The following PLXND1 variants were observed in gnomAD, a reference collection of about 807,000 sequenced individuals.
PLXND1 encodes plexin D1.
In PLXND1, 54 loss-of-function variants were observed where a neutral mutation model predicts 197.7. The observed-to-expected ratio is 0.27, with a 90% CI of 0.22 to 0.34. The LOEUF is 0.34. Among genes scored for constraint, PLXND1 ranks in the 10% least tolerant of loss-of-function variants. The pLI, the probability that PLXND1 is intolerant of heterozygous loss-of-function variation, is 1.00. For synonymous variants in PLXND1, 1,180 were observed against 1,161.2 expected, an observed-to-expected ratio of 1.02 and a Z score of -0.33; for missense variants, 2,127 against 2,699.2, an observed-to-expected ratio of 0.79 and a Z score of 4.70.
In PLXND1 at chr3:129,583,664, G is replaced by A. The variant is rs762428555; in HGVS notation, c.2144C>T (p.Thr715Ile). Reference protein sequence around the residue: ...TAQVYPHTACTSCLSAQWPCF... With the variant: ...TAQVYPHTACISCLSAQWPCF... ...GGGCCACTGTGCCGACAGGCAGCTG[G>A]TACAGCTGGAAGACAAGGAGGCCCC... The change falls in exon 8 of 36, where the codon ACC becomes ATC. Residue 715 changes from threonine to isoleucine, a missense_variant. Physicochemically the swap from Thr to Ile is moderately conservative, Grantham distance 89. Coordinates refer to ENST00000324093, the MANE Select transcript of PLXND1 (RefSeq NM_015103.3). 6.2e-7 allele frequency: 1 copy of A among 1,611,054 alleles called. No homozygotes were observed. The highest frequency in any genetic ancestry group is 8.5e-7 in the Non-Finnish European group (1 of 1,178,070).
chr3:129,600,760 C>T (rs1198427047), intron 1 of PLXND1, among the ~76,000 whole-genome samples: 2 of 151,812 alleles, frequency 1.3e-5, no homozygotes, highest in African/African-American at 4.8e-5. Context: ...CAGCCCAAAC[C>T]CAAATGTAAA....
chr3:129,569,965 G>A lies in PLXND1; in HGVS notation c.3751-8C>T. 4 of 1,532,192 alleles carry A rather than the reference G, an allele frequency of 2.6e-6. No homozygotes were observed. Among genetic ancestry groups the A allele is most frequent in the Non-Finnish European group, 3.6e-6 (4 of 1,105,552 alleles). 94.9% of individuals were successfully genotyped at this position (1,532,192 alleles called of 1,614,324 possible). ...GAAGTTCCCTACCTGGATCTGTGCAGAGGTTGGGGAAGGGGGTTGTAGCTT... is the reference window on the plus strand; with the variant it reads ...GAAGTTCCCTACCTGGATCTGTGCAAAGGTTGGGGAAGGGGGTTGTAGCTT... On this transcript the variant is annotated splice_polypyrimidine_tract_variant and splice_region_variant and intron_variant, in intron 19 of 35. Transcript: ENST00000324093.
Position 129,606,394 on chromosome 3 carries a change from C to T in PLXND1, c.246G>A (p.Leu82=). 2.6e-6 allele frequency: 4 copies of T among 1,515,938 alleles called. No individual in the cohort carries two copies. Among genetic ancestry groups the T allele is most frequent in the Non-Finnish European group, 2.6e-6 (3 of 1,140,156 alleles). The allele number at this position is 1,515,938 out of a possible 1,614,324, so 93.9% of individuals were successfully genotyped here. The part of the protein sequence containing the change: ...YLAAVNRLYQ[L]SGANLSLEAE... Reference sequence around the variant, plus strand: ...CCTCCAGGCTCAGGTTGGCGCCCGACAGCTGATAGAGGCGGTTGACGGCCG... The same window carrying T: ...CCTCCAGGCTCAGGTTGGCGCCCGATAGCTGATAGAGGCGGTTGACGGCCG... The change falls in exon 1 of 36, where the codon CTG becomes CTA. Residue 82 remains leucine (L), a synonymous_variant. Coordinates refer to ENST00000324093, the MANE Select transcript of PLXND1 (RefSeq NM_015103.3).
Position 129,559,728 on chromosome 3 carries a change from T to C in PLXND1, c.5189A>G (p.Glu1730Gly), listed in dbSNP as rs1023214704. ...DLFKAILSIREDKPPLAVKYF... is the reference protein window; with the variant it reads ...DLFKAILSIRGDKPPLAVKYF... ...CTTGACAGCCAGTGGGGGCTTGTCT[T>C]CACGGATACTCAGAATGGCCTTGAA... The change falls in exon 32 of 36, where the codon GAA (glutamate) becomes GGA (glycine). Residue 1730 changes from glutamate (E) to glycine (G), a missense_variant. Coordinates refer to ENST00000324093, the MANE Select transcript of PLXND1 (RefSeq NM_015103.3). 3.7e-6 allele frequency: 6 copies of C among 1,613,130 alleles called. No individual in the cohort carries two copies. In the African/African-American group the frequency reaches 8.0e-5, roughly 22 times the overall value.
At chr3:129,593,808 A>T (rs1039612197) in intron 1 of PLXND1, among the ~76,000 whole-genome samples, 2 of 150,766 alleles carry the variant, frequency 1.3e-5, no homozygotes, top group African/African-American at 4.9e-5. Context: ...TCCTGTAAAA[A>T]CCTCACTTTA....
intron 15 of PLXND1, among the ~76,000 whole-genome samples, chr3:129,572,361 C>A (rs574130560): frequency 6.6e-6 from 1 of 152,368 alleles, no homozygotes; most frequent in East Asian, 1.9e-4. Context: ...CAACACCATT[C>A]TCATTACAGC....
At position 129,561,718 on chromosome 3, in the gene PLXND1, AGGG is replaced by A. The variant is rs2085063685; in HGVS notation, c.4930-12_4930-10del. 1 of 1,243,090 alleles carries A rather than the reference AGGG, an allele frequency of 8.0e-7. No homozygotes were observed. Among genetic ancestry groups the A allele is most frequent in the African/African-American group, 2.4e-5 (1 of 40,940 alleles). 77.0% of individuals were successfully genotyped at this position (1,243,090 alleles called of 1,614,324 possible). On this transcript the variant is annotated splice_polypyrimidine_tract_variant and intron_variant, in intron 28 of 35. Transcript: ENST00000324093. ...GAGGCACCTTCAGGGATCTGATGGGAGGGGAGAGGCCGAGGTCAGAGGCCGGAG... is the reference window on the plus strand; with the variant it reads ...GAGGCACCTTCAGGGATCTGATGGGAGAGAGGCCGAGGTCAGAGGCCGGAG...
rs2085326978 is a variant in PLXND1 at position 129,577,323 on chromosome 3, TG to T, written c.2346+1005del. Among the ~76,000 whole-genome samples the T allele has an allele frequency of 1.3e-5, 2 of 152,124 alleles. No homozygotes were observed. The highest frequency in any genetic ancestry group is 2.4e-5 in the African/African-American group (1 of 41,424). On this transcript the variant is annotated intron_variant, in intron 9 of 35. Transcript: ENST00000324093. The surrounding 1 kb of genome is among the most constrained non-coding windows in gnomAD (Gnocchi z 5.0). ...AGTGGAGGCTGCCCCACCACACAGC[TG>T]GGAAGAATCGGCAGGACTCAAGTCA...
rs142772519 is a variant in PLXND1, at chr3:129,586,630, G to C, written c.1578C>G (p.Asp526Glu). Residue 526 changes from aspartate (D) to glutamate (E), a missense_variant, in exon 3 of 36, where the codon GAC becomes GAG. This residue lies in a region of PLXND1 where 1,095 missense variants were observed against 1,259.8 expected (regional missense o/e 0.87). Transcript: ENST00000324093. ...GGTAAAGGTAACCGGAGTCTGCTGG[G>C]TCAAACTGCATGACATGGTGCACGG... ...GEPVHHVMQF[D>E]PADSGYLYLM... is the part of the protein sequence containing the mutation. 1.8e-3 allele frequency: 2,833 copies of C among 1,577,576 alleles called. 7 individuals are homozygous for C. Among genetic ancestry groups the C allele is most frequent in the Non-Finnish European group, 2.3e-3 (2,649 of 1,161,072 alleles).
In PLXND1 at chr3:129,566,617, A is replaced by G; in HGVS notation, c.4101T>C (p.Tyr1367=). The G allele has an allele frequency of 6.2e-7, 1 of 1,605,654 alleles. No homozygotes were observed. ...GGGAGGGCAGCACGTAACGCTCTTC[A>G]TAAAGGGAGGAACACTGCAGAGGCA... ...RTFFPKCSSL[Y]EERYVLPSQT... is the part of the protein sequence containing the mutation. The change falls in exon 23 of 36, where the codon TAT becomes TAC. Residue 1367 remains tyrosine (Y), a synonymous_variant. Coordinates refer to ENST00000324093, the MANE Select transcript of PLXND1 (RefSeq NM_015103.3).
chr3:129,606,318 G>T lies in PLXND1; in HGVS notation c.322C>A (p.Gln108Lys). 1 of 1,511,974 alleles carries T rather than the reference G, an allele frequency of 6.6e-7. No homozygotes were observed. The highest frequency in any genetic ancestry group is 8.8e-7 in the Non-Finnish European group (1 of 1,136,034). The allele number at this position is 1,511,974 out of a possible 1,614,324, so 93.7% of individuals were successfully genotyped here. Residue 108 changes from glutamine (Q) to lysine (K), a missense_variant, in exon 1 of 36, where the codon CAG becomes AAG. Coordinates refer to ENST00000324093, the MANE Select transcript of PLXND1 (RefSeq NM_015103.3). ...TGCTCGCACGAGGCCTGCGGCAGCT[G>T]CGGAGCGTGACACAGCGGGCTGTCG... ...VPDSPLCHAP[Q>K]LPQASCEHPR...
At chr3:129,596,708 G>A (rs1281928382) in intron 1 of PLXND1, among the ~76,000 whole-genome samples, 1 of 152,196 alleles carries the variant, frequency 6.6e-6, no homozygotes, top group African/African-American at 2.4e-5. Context: ...GGGGGGACTT[G>A]GAGGTTCGAT....
At chr3:129,598,329 T>A (rs1210343272) in intron 1 of PLXND1, among the ~76,000 whole-genome samples, 1 of 152,076 alleles carries the variant, frequency 6.6e-6, no homozygotes, top group Admixed American at 6.6e-5. Context: ...CTGTCTGATG[T>A]CATGACCTCC....
Position 129,557,463 on chromosome 3 carries a change from G to T in PLXND1, c.5446-240C>A, listed in dbSNP as rs1348361844. Reference sequence around the variant, plus strand: ...CAGGACTGTTAGGACAATGATGTGGGTGGGGAGGGGCCCTACTTCTTTCAG... The same window carrying T: ...CAGGACTGTTAGGACAATGATGTGGTTGGGGAGGGGCCCTACTTCTTTCAG... On this transcript the variant is annotated intron_variant, in intron 33 of 35. Coordinates refer to ENST00000324093, the MANE Select transcript of PLXND1 (RefSeq NM_015103.3). The surrounding 1 kb of genome is among the most constrained non-coding windows in gnomAD (Gnocchi z 4.8). 7.0e-6 allele frequency among the ~76,000 whole-genome samples: 1 copy of T among 142,548 alleles called. No homozygotes were observed. Among genetic ancestry groups the T allele is most frequent in the African/African-American group, 3.0e-5 (1 of 33,626 alleles). The allele number at this position is 142,548 out of a possible 152,430, so 93.5% of individuals were successfully genotyped here. A position where few individuals can be genotyped will look rare whatever the true frequency, so the allele number is the denominator to read the frequency against.
rs1872115 is a variant in PLXND1 at position 129,560,586 on chromosome 3, C to T, written c.5028+103G>A. Reference sequence around the variant, plus strand: ...CCTACTCCCCCACCCCCCAGCCTTTCGCAGGGCTGGGAGCACTTTTCCCAA... The same window carrying T: ...CCTACTCCCCCACCCCCCAGCCTTTTGCAGGGCTGGGAGCACTTTTCCCAA... On this transcript the variant is annotated intron_variant, in intron 30 of 35. Transcript: ENST00000324093. The T allele has an allele frequency of 7.0e-4, 717 of 1,030,954 alleles. 2 individuals are homozygous for T. The African/African-American group carries it at 9.8e-3, about 14-fold the overall frequency. The allele number at this position is 1,030,954 out of a possible 1,614,324, so 63.9% of individuals were successfully genotyped here.
At chr3:129,589,112 A>T (rs1315268951) in intron 2 of PLXND1, among the ~76,000 whole-genome samples, 1 of 152,202 alleles carries the variant, frequency 6.6e-6, no homozygotes, top group Non-Finnish European at 1.5e-5. Flanking sequence ...CCTCTGAGAG[A>T]ATCACCCTCT....
At position 129,606,256 on chromosome 3, in the gene PLXND1, C is replaced by G; in HGVS notation, c.384G>C (p.Leu128=). 6.4e-7 allele frequency: 1 copy of G among 1,570,932 alleles called. No homozygotes were observed. The highest frequency in any genetic ancestry group is 8.6e-7 in the Non-Finnish European group (1 of 1,163,948). The change falls in exon 1 of 36, where the codon CTG becomes CTC. Residue 128 remains leucine (L), a synonymous_variant. Transcript: ENST00000324093. ...RRLTDNYNKI[L]QLDPGQGLVV... is the part of the protein sequence containing the mutation. ...CCAGGCCCTGGCCGGGGTCCAGCTGCAGGATCTTGTTGTAGTTGTCCGTGA... is the reference window on the plus strand; with the variant it reads ...CCAGGCCCTGGCCGGGGTCCAGCTGGAGGATCTTGTTGTAGTTGTCCGTGA...
intron 2 of PLXND1, among the ~76,000 whole-genome samples, chr3:129,588,740 C>G (rs1268729853): frequency 6.6e-6 from 1 of 152,254 alleles, no homozygotes; most frequent in African/African-American, 2.4e-5. Flanking sequence ...AGGGCTGCAC[C>G]TGGGGGTCTG....
rs1265240336 is a variant in PLXND1 at position 129,565,952 on chromosome 3, G to A, written c.4257C>T (p.Asn1419=). The change falls in exon 24 of 36, where the codon AAC becomes AAT. Residue 1419 remains asparagine (N), a synonymous_variant. Coordinates refer to ENST00000324093, the MANE Select transcript of PLXND1 (RefSeq NM_015103.3). ...GISLFSSLLN[N]KHFLIVFVHA... ...GGACAAAGACGATGAGGAAGTGCTT[G>A]TTGTTGAGTAGTGAGGAGAACAAGC... is the stretch of plus-strand genomic sequence containing the variant. 2 of 1,614,112 alleles carry A rather than the reference G, an allele frequency of 1.2e-6. No homozygotes were observed. Among genetic ancestry groups the A allele is most frequent in the Admixed American group, 3.3e-5 (2 of 60,022 alleles).
Sources: gnomAD v4.1 joint callset for allele counts (sites outside exome capture counted in the v4.1 genomes callset) on GRCh38, gnomAD v4.1.1 for gene constraint, gnomAD v4.1.1 regional missense constraint, Gnocchi (gnomAD v3.1) non-coding constraint, MANE v1.5 for transcripts, NCBI Gene and HGNC (gene_info 2026-07-23, HGNC 2026-07-21) for gene names.